FER1L6: variants seen among roughly 807,000 people sequenced by gnomAD.
FER1L6 encodes fer-1 like family member 6.
Under a neutral mutation model 219.2 loss-of-function variants are expected in FER1L6, and 177 were observed. The ratio of observed to expected loss-of-function variants is 0.81; its 90% CI spans 0.71 to 0.91. FER1L6 has a LOEUF of 0.91. FER1L6 is among the 40% of genes least tolerant of loss of function. The probability of loss-of-function intolerance (pLI) is 0.00; values close to 1 mark genes in which losing one functional copy is unlikely to be tolerated. For synonymous variants in FER1L6, 768 were observed against 824.3 expected (o/e 0.93, Z 1.17); for missense variants, 2,153 against 2,259.9 (o/e 0.95, Z 0.96).
chr8:123,894,612 A>C (rs1812716591), intron 1 of FER1L6, among the ~76,000 whole-genome samples: 1 of 152,188 alleles, frequency 6.6e-6, no homozygotes, highest in South Asian at 2.1e-4. Context: ...GAACAGTGAC[A>C]CTCCAATAGC....
chr8:124,062,125 C>T (rs1586655431), intron 25 of FER1L6, 93 bp downstream of exon 25: 13 of 1,363,720 alleles, frequency 9.5e-6, no homozygotes, highest in Non-Finnish European at 1.3e-5. Context: ...GAGGATGCCC[C>T]ACAGCCAAGT....
intron 1 of FER1L6, among the ~76,000 whole-genome samples, chr8:123,854,895 A>C (rs373790425): frequency 1.3e-5 from 2 of 152,122 alleles, no homozygotes; most frequent in African/African-American, 4.8e-5. Flanking sequence ...AGTTTGTTAA[A>C]ATTTTTATTG....
At chr8:123,865,417 G>A (rs567914036) in intron 1 of FER1L6, among the ~76,000 whole-genome samples, 2 of 150,796 alleles carry the variant, frequency 1.3e-5, no homozygotes, top group Non-Finnish European at 2.9e-5. Context: ...GTCTGCAGAG[G>A]TTACTGCTGT....
intron 18 of FER1L6, among the ~76,000 whole-genome samples, chr8:124,026,932 T>C (rs995472810): frequency 2.6e-5 from 4 of 152,132 alleles, no homozygotes; most frequent in African/African-American, 9.7e-5. Flanking sequence ...TAGGTCAAGG[T>C]GTTGGCAGGG....
chr8:123,986,043 T>C, intron 11 of FER1L6, 25 bp from the exon 12 acceptor site: 1 of 1,359,384 alleles, frequency 7.4e-7, no homozygotes, highest in Non-Finnish European at 1.1e-6. Flanking sequence ...CAGTTCTGCC[T>C]AATAATTTTG....
At chr8:123,989,853 G>T (rs1285619763) in intron 12 of FER1L6, among the ~76,000 whole-genome samples, 1 of 152,168 alleles carries the variant, frequency 6.6e-6, no homozygotes, top group Non-Finnish European at 1.5e-5. Context: ...TTGCAATTGT[G>T]AATTGTGCTG....
chr8:124,011,225 C>T (rs774990937), intron 14 of FER1L6, among the ~76,000 whole-genome samples: 35 of 152,178 alleles, frequency 2.3e-4, no homozygotes, highest in Admixed American at 3.9e-4. Context: ...CCCACCATGC[C>T]TTTTCCTCTG....
rs537480298 is a variant in FER1L6, at chr8:124,055,216, A to ATCGT, written c.2875-4962_2875-4959dup. On this transcript the variant is annotated intron_variant, in intron 22 of 40. Coordinates refer to ENST00000522917, the MANE Select transcript of FER1L6 (RefSeq NM_001039112.2). ...CACTTTAGGAAGCTGAGGCAGGAGG[A>ATCGT]TCGTTTGAGTCCAGGAGTTTAAGAC... 2.0e-3 allele frequency among the ~76,000 whole-genome samples: 301 copies of ATCGT among 152,182 alleles called. 1 individual carries two copies. The highest frequency in any genetic ancestry group is 6.8e-3 in the African/African-American group (281 of 41,500).
chr8:123,874,524 T>C (rs1157947707), intron 1 of FER1L6, among the ~76,000 whole-genome samples: 1 of 152,344 alleles, frequency 6.6e-6, no homozygotes, highest in South Asian at 2.1e-4. Flanking sequence ...AAAATAGTAA[T>C]ACTCAGAAAA....
chr8:123,962,106 G>A (rs1009533291), intron 2 of FER1L6, among the ~76,000 whole-genome samples: 1 of 152,082 alleles, frequency 6.6e-6, no homozygotes, highest in African/African-American at 2.4e-5. Flanking sequence ...AGCCAGGATG[G>A]TCTCGATATC....
intron 29 of FER1L6, among the ~76,000 whole-genome samples, chr8:124,070,056 T>C (rs936755568): frequency 6.6e-6 from 1 of 152,224 alleles, no homozygotes; most frequent in African/African-American, 2.4e-5. Flanking sequence ...TTCATGTCTA[T>C]ATGCATTACA....
intron 1 of FER1L6, among the ~76,000 whole-genome samples, chr8:123,938,758 G>C (rs1031945319): frequency 4.6e-5 from 7 of 151,882 alleles, no homozygotes; most frequent in African/African-American, 1.7e-4. Flanking sequence ...CTTTTGCCCA[G>C]GCTGGCCTCA....
chr8:124,080,704 G>A (rs545754870), intron 32 of FER1L6, among the ~76,000 whole-genome samples: 31 of 152,216 alleles, frequency 2.0e-4, no homozygotes, highest in African/African-American at 7.0e-4. Context: ...GATGGGCCAG[G>A]GTGATTAAGT....
rs1396131818 is a variant in FER1L6, at chr8:123,852,867, C to T, written c.-8+682C>T. ...TCTTTTTCTGTTCTAGGAGCCAGTC[C>T]AGAATCCCACATTGTAATTTTTGGA... On this transcript the variant is annotated intron_variant, in intron 1 of 40. Coordinates refer to ENST00000522917, the MANE Select transcript of FER1L6 (RefSeq NM_001039112.2). This position sits in a 1 kb window ranked among gnomAD's most constrained non-coding sequence, Gnocchi z 4.9. 6.6e-6 allele frequency among the ~76,000 whole-genome samples: 1 copy of T among 152,050 alleles called. No individual in the cohort carries two copies.
chr8:123,865,794 C>G (rs1436399819), intron 1 of FER1L6, among the ~76,000 whole-genome samples: 1 of 151,498 alleles, frequency 6.6e-6, no homozygotes, highest in Non-Finnish European at 1.5e-5. Context: ...AACTCCCTGA[C>G]CACTTGCGCT....
chr8:124,083,493 GAT>G (rs1821662233), intron 33 of FER1L6, among the ~76,000 whole-genome samples: 2 of 151,962 alleles, frequency 1.3e-5, no homozygotes, highest in Admixed American at 6.6e-5. Context: ...TCCTTTCTCT[GAT>G]ATATCTTTTT....
chr8:123,895,270 G>A (rs1034986974), intron 1 of FER1L6, among the ~76,000 whole-genome samples: 3 of 152,186 alleles, frequency 2.0e-5, no homozygotes, highest in Non-Finnish European at 4.4e-5. Context: ...AGGAACCATT[G>A]CTAACTGAAG....
At chr8:123,893,055 A>G (rs1274185233) in intron 1 of FER1L6, among the ~76,000 whole-genome samples, 1 of 152,126 alleles carries the variant, frequency 6.6e-6, no homozygotes, top group East Asian at 1.9e-4. Context: ...ATTATGTTAA[A>G]TTGTTGTATG....
chr8:123,888,901 ATAAAT>A (rs957167819), intron 1 of FER1L6, among the ~76,000 whole-genome samples: 1 of 152,244 alleles, frequency 6.6e-6, no homozygotes, highest in African/African-American at 2.4e-5. Flanking sequence ...AAAGAGTCTC[ATAAAT>A]TAAATAAGTC....
Sources: gnomAD v4.1 joint callset for allele counts (sites outside exome capture counted in the v4.1 genomes callset) on GRCh38, gnomAD v4.1.1 for gene constraint, Gnocchi (gnomAD v3.1) non-coding constraint, MANE v1.5 for transcripts, NCBI Gene and HGNC (gene_info 2026-07-23, HGNC 2026-07-21) for gene names.